ITPR2: variants seen among roughly 807,000 people sequenced by gnomAD.
ITPR2 encodes inositol 1,4,5-trisphosphate-gated calcium channel ITPR2.
A neutral mutation model predicts 317.1 loss-of-function variants in ITPR2; 207 were observed. That is an observed-to-expected ratio of 0.65 (90% CI 0.58 to 0.73). ITPR2 has a LOEUF of 0.73. Ranked by LOEUF, ITPR2 falls within the 30% of genes least tolerant of loss-of-function variation. The probability of loss-of-function intolerance (pLI) is 0.00; values close to 1 mark genes in which losing one functional copy is unlikely to be tolerated. For synonymous variants in ITPR2, 1,156 were observed against 1,149.1 expected, an observed-to-expected ratio of 1.01 and a Z score of -0.12; for missense variants, 2,613 against 3,284.0, an observed-to-expected ratio of 0.80 and a Z score of 4.99.
chr12:26,716,776 T>A (rs554485595), intron 5 of ITPR2, among the ~76,000 whole-genome samples: 55 of 152,338 alleles, frequency 3.6e-4, no homozygotes, highest in Non-Finnish European at 4.9e-4. Context: ...AGGTATGACC[T>A]TGTAGAAATA....
At chr12:26,491,948 T>C (rs1434829809) in intron 39 of ITPR2, among the ~76,000 whole-genome samples, 1 of 152,142 alleles carries the variant, frequency 6.6e-6, no homozygotes, top group Non-Finnish European at 1.5e-5. Context: ...GTCTAGAACG[T>C]CAGTAAGTTC....
chr12:26,728,774 G>A (rs1948977818), intron 2 of ITPR2, among the ~76,000 whole-genome samples: 1 of 152,172 alleles, frequency 6.6e-6, no homozygotes, highest in Non-Finnish European at 1.5e-5. Flanking sequence ...CTGTGTGAAA[G>A]TTCTTTGTGA....
At position 26,628,182 on chromosome 12, in the gene ITPR2, C is replaced by A. The variant is rs1946667063; in HGVS notation, c.2935-20G>T. On this transcript the variant is annotated intron_variant, in intron 22 of 56. Coordinates refer to ENST00000381340, the MANE Select transcript of ITPR2 (RefSeq NM_002223.4). ...GATAAACTATAAGAAACATTAAGAA[C>A]AACATAAATTTCTTTCATTAGCATA... 1 of 1,567,796 alleles carries A rather than the reference C, an allele frequency of 6.4e-7. No homozygotes were observed.
chr12:26,343,618 C>T (rs1938209601), intron 55 of ITPR2, among the ~76,000 whole-genome samples: 1 of 152,222 alleles, frequency 6.6e-6, no homozygotes, highest in South Asian at 2.1e-4. Flanking sequence ...GAATTGTGCA[C>T]TAAACTCCTG....
At chr12:26,418,904 G>A (rs558525009) in intron 50 of ITPR2, 145 bp downstream of exon 50, 17 of 639,818 alleles carry the variant, frequency 2.7e-5, no homozygotes, top group Middle Eastern at 3.2e-4. Context: ...AATAATTCAC[G>A]CTTTTCCTAG....
intron 2 of ITPR2, among the ~76,000 whole-genome samples, chr12:26,775,959 T>TATATATATATACACA (rs1263788006): frequency 2.8e-5 from 4 of 145,086 alleles, no homozygotes; most frequent in Admixed American, 6.9e-5. Context: ...TATATGTATA[T>TATATATATATACACA]CCTATTAGTT....
intron 5 of ITPR2, among the ~76,000 whole-genome samples, chr12:26,720,355 A>C (rs1011522249): frequency 6.6e-6 from 1 of 152,196 alleles, no homozygotes; most frequent in Non-Finnish European, 1.5e-5. Context: ...AAAGTCCTCT[A>C]AACATTGCAA....
intron 48 of ITPR2, among the ~76,000 whole-genome samples, chr12:26,433,583 G>A (rs890698499): frequency 3.3e-5 from 5 of 152,068 alleles, no homozygotes; most frequent in African/African-American, 1.2e-4. Context: ...ACTGTTGATG[G>A]AGTGCCGCAC....
intron 2 of ITPR2, among the ~76,000 whole-genome samples, chr12:26,784,816 C>G (rs1467312057): frequency 2.4e-4 from 18 of 75,152 alleles, no homozygotes; most frequent in Admixed American, 6.4e-4. Context: ...GTCTGGGATA[C>G]GGGGAGCCTC....
At chr12:26,557,658 G>A (rs974318911) in intron 35 of ITPR2, among the ~76,000 whole-genome samples, 5 of 152,188 alleles carry the variant, frequency 3.3e-5, no homozygotes, top group African/African-American at 9.7e-5. Context: ...CAAACTCAAG[G>A]AAAGCCACAG....
At chr12:26,528,409 T>C (rs1943862022) in intron 37 of ITPR2, among the ~76,000 whole-genome samples, 1 of 152,162 alleles carries the variant, frequency 6.6e-6, no homozygotes, top group Non-Finnish European at 1.5e-5. Context: ...CCCAGAAAAA[T>C]AGTTTCTATC....
chr12:26,623,401 AG>A (rs1946546103), intron 24 of ITPR2: 1 of 152,220 alleles, frequency 6.6e-6, no homozygotes, highest in Non-Finnish European at 1.5e-5. Flanking sequence ...GAGCTTGTTC[AG>A]GTAACCCTTA....
intron 55 of ITPR2, among the ~76,000 whole-genome samples, chr12:26,348,745 T>C (rs1159281102): frequency 1.3e-5 from 2 of 152,084 alleles, no homozygotes; most frequent in Non-Finnish European, 2.9e-5. Flanking sequence ...TCCCAGAACT[T>C]TGGGAGCCAA....
intron 35 of ITPR2, among the ~76,000 whole-genome samples, chr12:26,560,014 G>A (rs549533067): frequency 2.0e-5 from 3 of 152,148 alleles, no homozygotes; most frequent in Non-Finnish European, 4.4e-5. Flanking sequence ...TGTCCCAGAA[G>A]AGCATAGACC....
intron 2 of ITPR2, among the ~76,000 whole-genome samples, chr12:26,728,095 C>G (rs991403845): frequency 1.3e-5 from 2 of 152,100 alleles, no homozygotes; most frequent in African/African-American, 4.8e-5. Flanking sequence ...GGACTATACC[C>G]CATGGAAAAC....
Position 26,336,980 on chromosome 12 carries a change from G to GTTTTTTTTTTTTTTTTTT in ITPR2, c.*2416_*2417insAAAAAAAAAAAAAAAAAA, listed in dbSNP as rs67842212. 1.5e-5 allele frequency: 2 copies of GTTTTTTTTTTTTTTTTTT among 137,262 alleles called. No individual in the cohort carries two copies. The highest frequency in any genetic ancestry group is 3.1e-5 in the Non-Finnish European group (2 of 64,148). 8.5% of individuals were successfully genotyped at this position (137,262 alleles called of 1,614,324 possible). ...TTGTCTGCTTCGATTTTTTGTTGCTGTTTTTTTTTTTTTTGCTTTATAATT... is the reference window on the plus strand; with the variant it reads ...TTGTCTGCTTCGATTTTTTGTTGCTGTTTTTTTTTTTTTTTTTTTTTTTTTTTTTTTTGCTTTATAATT... On this transcript the variant is annotated 3_prime_UTR_variant, in exon 57 of 57. Coordinates refer to ENST00000381340, the MANE Select transcript of ITPR2 (RefSeq NM_002223.4).
chr12:26,537,239 A>T (rs1418340286), intron 37 of ITPR2, among the ~76,000 whole-genome samples: 1 of 152,200 alleles, frequency 6.6e-6, no homozygotes, highest in Non-Finnish European at 1.5e-5. Context: ...TGATACCAAC[A>T]GTTTATTTCA....
Position 26,596,916 on chromosome 12 carries a change from C to T in ITPR2, c.4221G>A (p.Val1407=). 1 of 1,580,482 alleles carries T rather than the reference C, an allele frequency of 6.3e-7. No individual in the cohort carries two copies. The highest frequency in any genetic ancestry group is 1.2e-5 in the South Asian group (1 of 83,744). Reference sequence around the variant, plus strand: ...TGCAGTCGTCATGGGTCACCACCCTCACTATGTCGTCCAGCGGGAGAAGGG... The same window carrying T: ...TGCAGTCGTCATGGGTCACCACCCTTACTATGTCGTCCAGCGGGAGAAGGG... ...CNSLLPLDDI[V]RVVTHDDCIP... is the part of the protein sequence containing the mutation. Residue 1407 remains valine, a synonymous_variant, in exon 31 of 57, where the codon GTG becomes GTA. Coordinates refer to ENST00000381340, the MANE Select transcript of ITPR2 (RefSeq NM_002223.4).
intron 46 of ITPR2, among the ~76,000 whole-genome samples, chr12:26,441,744 C>A (rs773115850): frequency 2.6e-5 from 4 of 152,106 alleles, no homozygotes; most frequent in Non-Finnish European, 2.9e-5. Flanking sequence ...TCTTCTTCTA[C>A]CTTTTAGCTG....
Sources: allele counts gnomAD v4.1 joint callset (sites outside exome capture counted in the v4.1 genomes callset), GRCh38; gene constraint gnomAD v4.1.1; transcripts MANE v1.5; gene names NCBI Gene and HGNC (gene_info 2026-07-23, HGNC 2026-07-21).